The following THSD4 variants were observed in gnomAD, a reference collection of about 807,000 sequenced individuals.
The protein encoded by THSD4 is thrombospondin type-1 domain-containing protein 4.
Under a neutral mutation model 119.0 loss-of-function variants are expected in THSD4, and 69 were observed. The ratio of observed to expected loss-of-function variants is 0.58; its 90% CI spans 0.48 to 0.71. The LOEUF is 0.71. THSD4 is among the 30% of genes least tolerant of loss of function. THSD4 has a pLI of 0.00. For synonymous variants in THSD4, 524 were observed against 540.4 expected (o/e 0.97, Z 0.42); for missense variants, 1,393 against 1,391.1 (o/e 1.00, Z -0.02).
rs375872892 is a variant in THSD4, at chr15:71,242,879, G to A, written c.695G>A (p.Arg232His). 36 of 1,614,016 alleles carry A rather than the reference G, an allele frequency of 2.2e-5. No individual in the cohort carries two copies. Among genetic ancestry groups the A allele is most frequent in the Middle Eastern group, 1.6e-4 (1 of 6,084 alleles). Residue 232 changes from arginine to histidine, a missense_variant, in exon 5 of 18, where the codon CGC becomes CAC. By Grantham distance (29) the Arg-to-His change is conservative. Coordinates refer to ENST00000261862, the MANE Select transcript of THSD4 (RefSeq NM_024817.3). ...GPLYQSDSGP[R>H]SGLQAAEAPI... ...TTGTACCAAAGTGACAGTGGCCCTC[G>A]CTCTGGACTGCAGGCTGCGGAGGCC...
intron 7 of THSD4, among the ~76,000 whole-genome samples, chr15:71,553,905 C>G (rs895445146): frequency 6.6e-6 from 1 of 151,968 alleles, no homozygotes; most frequent in African/African-American, 2.4e-5. Flanking sequence ...AAATTTGCTA[C>G]TGTATTTGAT....
chr15:71,255,898 C>T (rs756688906), intron 5 of THSD4, among the ~76,000 whole-genome samples: 25 of 152,140 alleles, frequency 1.6e-4, no homozygotes, highest in Non-Finnish European at 3.1e-4. Context: ...GGCTACTATT[C>T]CATGCAAGGG....
chr15:71,394,266 C>A, intron 6 of THSD4, among the ~76,000 whole-genome samples: 2 of 89,692 alleles, frequency 2.2e-5, no homozygotes, highest in South Asian at 8.6e-4. Flanking sequence ...ACACATTTGT[C>A]TTTTTTTTTT....
chr15:71,695,738 A>G (rs1244281772), intron 8 of THSD4, among the ~76,000 whole-genome samples: 2 of 152,136 alleles, frequency 1.3e-5, no homozygotes, highest in African/African-American at 4.8e-5. Flanking sequence ...CTTCCTTCAC[A>G]AGGGAGAAGA....
upstream of THSD4, chr15:71,111,211 A>G (rs763358310): frequency 3.7e-6 from 6 of 1,613,570 alleles, no homozygotes; most frequent in Non-Finnish European, 5.1e-6. Flanking sequence ...GAAGCAGAAA[A>G]GGGAAAGAGA....
At chr15:71,765,326 G>T in intron 16 of THSD4, 127 bp downstream of exon 16, 1 of 1,163,704 alleles carries the variant, frequency 8.6e-7, no homozygotes, top group African/African-American at 1.6e-5. Context: ...ATCTACCTTA[G>T]GTGGTAGCTG....
At chr15:71,753,613 T>G (rs8024664) in intron 14 of THSD4, among the ~76,000 whole-genome samples, 2 of 152,182 alleles carry the variant, frequency 1.3e-5, no homozygotes, top group African/African-American at 4.8e-5. Flanking sequence ...ACGAGTCATG[T>G]CCTCTTCTGA....
At chr15:71,569,001 T>C (rs993658218) in intron 7 of THSD4, among the ~76,000 whole-genome samples, 12 of 152,346 alleles carry the variant, frequency 7.9e-5, no homozygotes, top group African/African-American at 1.4e-4. Context: ...TACTTTAAAA[T>C]GGGGAGAAAA....
intron 1 of THSD4, among the ~76,000 whole-genome samples, chr15:71,104,186 G>A (rs2040264617): frequency 6.6e-6 from 1 of 151,872 alleles, no homozygotes; most frequent in African/African-American, 2.4e-5. Context: ...TTATATGTAT[G>A]GCATTTATTG....
chr15:71,563,133 T>C (rs2049156855), intron 7 of THSD4, among the ~76,000 whole-genome samples: 2 of 152,110 alleles, frequency 1.3e-5, no homozygotes, highest in Non-Finnish European at 2.9e-5. Context: ...ATATCCCACA[T>C]CGTCCTATGG....
intron 7 of THSD4, among the ~76,000 whole-genome samples, chr15:71,498,404 T>G (rs1003164448): frequency 3.9e-5 from 6 of 152,246 alleles, no homozygotes; most frequent in African/African-American, 1.4e-4. Context: ...TCACCCCAGT[T>G]GTGCTTGGGT....
chr15:71,351,432 C>A (rs1203695504), intron 6 of THSD4, among the ~76,000 whole-genome samples: 1 of 152,144 alleles, frequency 6.6e-6, no homozygotes, highest in Non-Finnish European at 1.5e-5. Flanking sequence ...AGACCCTTAA[C>A]CAACATTGCT....
intron 3 of THSD4, among the ~76,000 whole-genome samples, chr15:71,211,977 C>T (rs2043891346): frequency 6.6e-6 from 1 of 152,118 alleles, no homozygotes; most frequent in Non-Finnish European, 1.5e-5. Context: ...TGAAAGTTGT[C>T]CCATCTTGCA....
chr15:71,510,792 A>G (rs1258507546), intron 7 of THSD4, among the ~76,000 whole-genome samples: 1 of 152,096 alleles, frequency 6.6e-6, no homozygotes, highest in Non-Finnish European at 1.5e-5. Flanking sequence ...GGCATTGTGA[A>G]GGATAATTAA....
chr15:71,413,896 T>C (rs1421180164), intron 7 of THSD4, among the ~76,000 whole-genome samples: 1 of 152,244 alleles, frequency 6.6e-6, no homozygotes. Flanking sequence ...TCTCCAGCTT[T>C]AATGTTCCCT....
At chr15:71,327,750 G>A (rs2045365198) in intron 6 of THSD4, among the ~76,000 whole-genome samples, 1 of 151,560 alleles carries the variant, frequency 6.6e-6, no homozygotes, top group African/African-American at 2.4e-5. Flanking sequence ...TTTTTCTCTT[G>A]CCCCTTTTGC....
intron 6 of THSD4, among the ~76,000 whole-genome samples, chr15:71,313,304 A>G (rs939774754): frequency 4.6e-5 from 7 of 152,008 alleles, no homozygotes; most frequent in Admixed American, 6.6e-5. Context: ...GTGCTCACAT[A>G]TGTGTGTGTG....
intron 7 of THSD4, among the ~76,000 whole-genome samples, chr15:71,597,637 G>A (rs532042772): frequency 1.3e-5 from 2 of 149,200 alleles, no homozygotes; most frequent in Non-Finnish European, 1.5e-5. Context: ...GAAGACTCCT[G>A]GTCAAACCAC....
At chr15:71,280,197 G>A (rs189140126) in intron 6 of THSD4, among the ~76,000 whole-genome samples, 1 of 152,296 alleles carries the variant, frequency 6.6e-6, no homozygotes, top group African/African-American at 2.4e-5. Context: ...GGAAACATCG[G>A]CGAGTGTCCT....
Sources: allele counts gnomAD v4.1 joint callset (sites outside exome capture counted in the v4.1 genomes callset), GRCh38; gene constraint gnomAD v4.1.1; transcripts MANE v1.5; gene names NCBI Gene and HGNC (gene_info 2026-07-23, HGNC 2026-07-21).